NCAPD2: variants seen among roughly 807,000 people sequenced by gnomAD.
NCAPD2 encodes the protein non-SMC condensin I complex subunit D2.
Under a neutral mutation model 164.5 loss-of-function variants are expected in NCAPD2, and 100 were observed. The observed-to-expected ratio is 0.61, with a 90% CI of 0.52 to 0.72. NCAPD2 has a LOEUF of 0.72. NCAPD2 is among the 30% of genes least tolerant of loss of function. The pLI, the probability that NCAPD2 is intolerant of heterozygous loss-of-function variation, is 0.00. For synonymous variants in NCAPD2, 585 were observed against 642.6 expected (o/e 0.91, Z 1.36); for missense variants, 1,560 against 1,749.2 (o/e 0.89, Z 1.93).
chr12:6,529,617 CT>C (rs777198006), intron 28 of NCAPD2, 24 bp downstream of exon 28: 2 of 1,613,410 alleles, frequency 1.2e-6, no homozygotes, highest in African/African-American at 2.7e-5. Context: ...CCTGAGGGTT[CT>C]TTGTGCTGAG....
At chr12:6,497,589 G>A (rs1374274883) in intron 2 of NCAPD2, among the ~76,000 whole-genome samples, 1 of 151,904 alleles carries the variant, frequency 6.6e-6, no homozygotes, top group Non-Finnish European at 1.5e-5. Flanking sequence ...CTGAGTCCCT[G>A]CAAAGGACAT....
chr12:6,504,002 G>T (rs1946064807), intron 2 of NCAPD2, among the ~76,000 whole-genome samples: 2 of 151,590 alleles, frequency 1.3e-5, no homozygotes, highest in Non-Finnish European at 2.9e-5. Context: ...ATATTTGTGA[G>T]GGTGGAGCCC....
chr12:6,509,613 G>T lies in NCAPD2; in HGVS notation c.128-104G>T. The T allele has an allele frequency of 1.1e-5, 12 of 1,053,374 alleles. No homozygotes were observed. The Admixed American group carries it at 1.3e-4, about 12-fold the overall frequency. The allele number at this position is 1,053,374 out of a possible 1,614,324, so 65.3% of individuals were successfully genotyped here. ...AGTGAACTGTTTGTCTCTTTTTTGTGATTCTACCAATAAAAGCAATAAACC... is the reference window on the plus strand; with the variant it reads ...AGTGAACTGTTTGTCTCTTTTTTGTTATTCTACCAATAAAAGCAATAAACC... On this transcript the variant is annotated intron_variant, in intron 2 of 31. Transcript: ENST00000315579.
chr12:6,499,405 G>A (rs1471973774), intron 2 of NCAPD2, among the ~76,000 whole-genome samples: 2 of 151,582 alleles, frequency 1.3e-5, no homozygotes, highest in African/African-American at 4.8e-5. Flanking sequence ...TTGTTGTTCT[G>A]GAGACGGAGT....
chr12:6,513,673 C>T (rs1281299422), intron 6 of NCAPD2, among the ~76,000 whole-genome samples: 1 of 145,178 alleles, frequency 6.9e-6, no homozygotes, highest in Middle Eastern at 3.4e-3. Context: ...CAGATTGAAT[C>T]AGTCGTTATA....
intron 2 of NCAPD2, among the ~76,000 whole-genome samples, chr12:6,500,818 A>G (rs1295714954): frequency 6.6e-6 from 1 of 152,184 alleles, no homozygotes; most frequent in Admixed American, 6.6e-5. Context: ...TGACATTTTA[A>G]AAGATTCACT....
chr12:6,498,694 G>A (rs148743344), intron 2 of NCAPD2, among the ~76,000 whole-genome samples: 2,772 of 151,452 alleles, frequency 0.018, 63 homozygotes, highest in African/African-American at 0.056. Context: ...TGCAACCTCC[G>A]CCTCCCAGGT....
rs1352060085 is a variant in NCAPD2 at position 6,517,037 on chromosome 12, C to G, written c.1185+12C>G. On this transcript the variant is annotated intron_variant, in intron 10 of 31. Coordinates refer to ENST00000315579, the MANE Select transcript of NCAPD2 (RefSeq NM_014865.4). ...TTGTCCAGCAGAAGGTAACCAACTTCTATGTGGCAAAAACATATGGTACCT... is the reference window on the plus strand; with the variant it reads ...TTGTCCAGCAGAAGGTAACCAACTTGTATGTGGCAAAAACATATGGTACCT... 2 of 1,613,720 alleles carry G rather than the reference C, an allele frequency of 1.2e-6. No individual in the cohort carries two copies. Among genetic ancestry groups the G allele is most frequent in the Non-Finnish European group, 1.7e-6 (2 of 1,179,744 alleles).
chr12:6,526,305 CA>C lies in NCAPD2; in HGVS notation c.2501del (p.His834ProfsTer39), dbSNP rs745935398. 6.2e-7 allele frequency: 1 copy of C among 1,614,070 alleles called. No individual in the cohort carries two copies. Among genetic ancestry groups the C allele is most frequent in the African/African-American group, 1.3e-5 (1 of 74,926 alleles). On this transcript the variant is annotated frameshift_variant, in exon 20 of 32. Coordinates refer to ENST00000315579, the MANE Select transcript of NCAPD2 (RefSeq NM_014865.4). LOFTEE classifies it high-confidence loss of function. Reference protein sequence around the residue: ...DRRKPSLGKRHPPFRLPQEHR... With the variant: ...DRRKPSLGKRXPPFRLPQEHR... ...TCCACAGCCTTCTCTGGGCAAACGT[CA>C]CCCCCCCTTCCGGCTGCCTCAGGAA...
rs903145337 is a variant in NCAPD2 at position 6,518,512 on chromosome 12, T to G, written c.1589+553T>G. Among the ~76,000 whole-genome samples the G allele has an allele frequency of 2.2e-4, 23 of 103,518 alleles. 3 individuals carry two copies. The highest frequency in any genetic ancestry group is 1.1e-3 in the East Asian group (4 of 3,776). The allele number at this position is 103,518 out of a possible 152,430, so 67.9% of individuals were successfully genotyped here. ...CTTACAGCCGTCAACAAGTTTTTTT[T>G]TTTTTTTTTTTTTTTTTTTTTTGAG... On this transcript the variant is annotated intron_variant, in intron 13 of 31. Transcript: ENST00000315579.
chr12:6,521,831 G>A lies in NCAPD2; in HGVS notation c.1748G>A (p.Arg583Gln), dbSNP rs145828257. 5.1e-4 allele frequency: 816 copies of A among 1,613,992 alleles called. 1 individual carries two copies. The highest frequency in any genetic ancestry group is 6.3e-4 in the Non-Finnish European group (739 of 1,179,956). ...GCTTCCACACAAGAAAAGAATCCCC[G>A]GGAGTCTACAGGAAACATGGTCACA... Reference protein sequence around the residue: ...PAASTQEKNPRESTGNMVTGQ... With the variant: ...PAASTQEKNPQESTGNMVTGQ... Residue 583 changes from arginine (R) to glutamine (Q), a missense_variant, in exon 15 of 32, where the codon CGG (arginine) becomes CAG (glutamine). Coordinates refer to ENST00000315579, the MANE Select transcript of NCAPD2 (RefSeq NM_014865.4).
intron 2 of NCAPD2, among the ~76,000 whole-genome samples, chr12:6,505,330 G>C (rs146620102): frequency 6.6e-6 from 1 of 152,120 alleles, no homozygotes; most frequent in African/African-American, 2.4e-5. Context: ...TCTCCAAAGC[G>C]CTGGGATTTA....
intron 4 of NCAPD2, 121 bp downstream of exon 4, chr12:6,510,254 A>G: frequency 8.7e-7 from 1 of 1,149,866 alleles, no homozygotes; most frequent in Non-Finnish European, 1.3e-6. Context: ...GTTGTGATTC[A>G]GTTGGTTTGG....
In NCAPD2 at chr12:6,517,944, C is replaced by T. The variant is rs771633449; in HGVS notation, c.1574C>T (p.Ala525Val). The T allele has an allele frequency of 1.1e-5, 18 of 1,613,568 alleles. No homozygotes were observed. Among genetic ancestry groups the T allele is most frequent in the Middle Eastern group, 1.7e-4 (1 of 5,774 alleles). Residue 525 changes from alanine (A) to valine (V), a missense_variant, in exon 13 of 32, where the codon GCC becomes GTC. Coordinates refer to ENST00000315579, the MANE Select transcript of NCAPD2 (RefSeq NM_014865.4). ...AAAGGACGCATCTATCAACTGCTTGCCAAAGCTAGTTACAAGTAGGCAAAA... is the reference window on the plus strand; with the variant it reads ...AAAGGACGCATCTATCAACTGCTTGTCAAAGCTAGTTACAAGTAGGCAAAA... ...DVKGRIYQLL[A>V]KASYKKAIIL...
At chr12:6,530,846 C>A (rs1381044171) in intron 30 of NCAPD2, 29 bp downstream of exon 30, 1 of 1,614,002 alleles carries the variant, frequency 6.2e-7, no homozygotes, top group Non-Finnish European at 8.5e-7. Context: ...GCGGGCGAGA[C>A]CAGACTGGGC....
rs112122197 is a variant in NCAPD2 at position 6,521,145 on chromosome 12, CAT to C, written c.1714+36_1714+37del. ...TTCCTTCTTCAGTCAATAAATAACACATGTCAACTGGTATTTACTGAGCATTA... is the reference window on the plus strand; with the variant it reads ...TTCCTTCTTCAGTCAATAAATAACACGTCAACTGGTATTTACTGAGCATTA... On this transcript the variant is annotated intron_variant, in intron 14 of 31. Transcript: ENST00000315579. The C allele has an allele frequency of 1.7e-3, 2,758 of 1,608,806 alleles. 31 individuals carry two copies. The African/African-American group carries it at 0.033, about 19-fold the overall frequency.
chr12:6,518,509 T>TTTTTTTTTG lies in NCAPD2; in HGVS notation c.1589+558_1589+559insGTTTTTTTT, dbSNP rs1555139594. On this transcript the variant is annotated intron_variant, in intron 13 of 31. Transcript: ENST00000315579. ...GCCCTTACAGCCGTCAACAAGTTTT[T>TTTTTTTTTG]TTTTTTTTTTTTTTTTTTTTTTTTT... is the stretch of plus-strand genomic sequence containing the variant. Among the ~76,000 whole-genome samples, 428 of 95,626 alleles carry TTTTTTTTTG rather than the reference T, an allele frequency of 4.5e-3. 10 individuals carry two copies. Among genetic ancestry groups the TTTTTTTTTG allele is most frequent in the African/African-American group, 0.018 (390 of 21,326 alleles). 62.7% of individuals were successfully genotyped at this position (95,626 alleles called of 152,430 possible). A position where few individuals can be genotyped will look rare whatever the true frequency, so the allele number is the denominator to read the frequency against.
At chr12:6,495,490 C>T (rs1250926244) in intron 2 of NCAPD2, among the ~76,000 whole-genome samples, 2 of 152,056 alleles carry the variant, frequency 1.3e-5, no homozygotes, top group African/African-American at 4.8e-5. Flanking sequence ...CCATCTTTAC[C>T]CCTTACTGTG....
intron 2 of NCAPD2, among the ~76,000 whole-genome samples, chr12:6,507,556 G>A (rs955057865): frequency 1.3e-5 from 2 of 152,180 alleles, no homozygotes; most frequent in South Asian, 2.1e-4. Flanking sequence ...CCGGGGTCGG[G>A]TTGCACAATT....
Sources: allele counts gnomAD v4.1 joint callset (sites outside exome capture counted in the v4.1 genomes callset), GRCh38; gene constraint gnomAD v4.1.1; transcripts MANE v1.5; gene names NCBI Gene and HGNC (gene_info 2026-07-23, HGNC 2026-07-21).